The following PPP3CA variants were observed in gnomAD, a reference collection of about 807,000 sequenced individuals.
The protein encoded by PPP3CA is protein phosphatase 3 catalytic subunit alpha, also known as CAM-PRP catalytic subunit.
In PPP3CA, 14 loss-of-function variants were observed where a neutral mutation model predicts 66.5. The ratio of observed to expected loss-of-function variants is 0.21; its 90% CI spans 0.14 to 0.33. PPP3CA has a LOEUF of 0.33. Ranked by LOEUF, PPP3CA falls within the 10% of genes least tolerant of loss-of-function variation. PPP3CA has a pLI of 1.00. For missense variants in PPP3CA, 317 were observed against 639.5 expected (o/e 0.50, Z 5.44); for synonymous variants, 232 against 226.2 (o/e 1.03, Z -0.23).
chr4:101,029,429 G>C (rs1029175383), intron 12 of PPP3CA, among the ~76,000 whole-genome samples: 25 of 148,596 alleles, frequency 1.7e-4, no homozygotes, highest in Admixed American at 1.6e-3. Context: ...ACGCCTATCT[G>C]AATTAAATGT....
intron 10 of PPP3CA, among the ~76,000 whole-genome samples, chr4:101,059,853 C>T (rs1271893528): frequency 1.3e-5 from 2 of 152,040 alleles, no homozygotes; most frequent in African/African-American, 4.8e-5. Context: ...TCTTGTAGCC[C>T]TGGGTGTCCT....
Position 101,318,902 on chromosome 4 carries a change from C to T in PPP3CA, c.58+27837G>A, listed in dbSNP as rs150990573. 2.0e-3 allele frequency among the ~76,000 whole-genome samples: 297 copies of T among 152,146 alleles called. 3 individuals are homozygous for T. Among genetic ancestry groups the T allele is most frequent in the East Asian group, 0.013 (66 of 5,180 alleles). On this transcript the variant is annotated intron_variant, in intron 1 of 13. Transcript: ENST00000394854. ...ACAAAAGGATCTAGAATCTAAGAAA[C>T]GTGCAATGATAGCTTGGAGATTCCC...
chr4:101,346,855 G>T lies in PPP3CA; in HGVS notation c.-59C>A, dbSNP rs1241985437. On this transcript the variant is annotated 5_prime_UTR_variant, in exon 1 of 14. Transcript: ENST00000394854. ...GTCCGTCCGACTGCACACCCCGACC[G>T]GACCGGCGGGCCAGACACTCAACGC... 1 of 1,572,608 alleles carries T rather than the reference G, an allele frequency of 6.4e-7. No homozygotes were observed.
chr4:101,093,078 G>A (rs973573101), intron 6 of PPP3CA, among the ~76,000 whole-genome samples: 5 of 152,136 alleles, frequency 3.3e-5, no homozygotes, highest in Non-Finnish European at 5.9e-5. Context: ...CACCAACAGC[G>A]TAAAAGCGTT....
chr4:101,308,365 C>T (rs1361737588), intron 1 of PPP3CA, among the ~76,000 whole-genome samples: 1 of 152,142 alleles, frequency 6.6e-6, no homozygotes, highest in Non-Finnish European at 1.5e-5. Flanking sequence ...TACTATCATT[C>T]CATACTATAT....
Position 101,025,693 on chromosome 4 carries a change from C to A in PPP3CA, c.*172G>T. The A allele has an allele frequency of 2.0e-6, 1 of 500,870 alleles. No individual in the cohort carries two copies. The highest frequency in any genetic ancestry group is 3.4e-6 in the Non-Finnish European group (1 of 292,528). 31.0% of individuals were successfully genotyped at this position (500,870 alleles called of 1,614,324 possible). ...CCCACCAAAATATAGTTTATTATCT[C>A]TCTCCCTCTTTTTTAATGATAGTGT... On this transcript the variant is annotated 3_prime_UTR_variant, in exon 14 of 14. Coordinates refer to ENST00000394854, the MANE Select transcript of PPP3CA (RefSeq NM_000944.5).
At chr4:101,041,212 A>C (rs1727499142) in intron 10 of PPP3CA, among the ~76,000 whole-genome samples, 1 of 152,118 alleles carries the variant, frequency 6.6e-6, no homozygotes, top group Non-Finnish European at 1.5e-5. Flanking sequence ...GCATTTTAGT[A>C]CTATTTTTGA....
intron 1 of PPP3CA, among the ~76,000 whole-genome samples, chr4:101,250,684 T>A (rs1168660417): frequency 6.6e-6 from 1 of 152,156 alleles, no homozygotes; most frequent in East Asian, 1.9e-4. Context: ...ATTAACATAA[T>A]TAGCTACTTA....
chr4:101,285,516 C>T (rs1034416428), intron 1 of PPP3CA, among the ~76,000 whole-genome samples: 9 of 152,048 alleles, frequency 5.9e-5, no homozygotes, highest in African/African-American at 2.2e-4. Flanking sequence ...CGGTGTCCCA[C>T]ATCATCTGAA....
chr4:101,086,751 G>A (rs1729690905), intron 6 of PPP3CA, among the ~76,000 whole-genome samples: 1 of 152,154 alleles, frequency 6.6e-6, no homozygotes, highest in African/African-American at 2.4e-5. Flanking sequence ...TCATGTTGTA[G>A]TGTAAATTAT....
chr4:101,071,971 A>T (rs1035938518), intron 8 of PPP3CA, among the ~76,000 whole-genome samples: 3 of 152,232 alleles, frequency 2.0e-5, no homozygotes, highest in Non-Finnish European at 1.5e-5. Context: ...GATAGTTTAT[A>T]TTCTACCATC....
chr4:101,293,345 G>A lies in PPP3CA; in HGVS notation c.58+53394C>T, dbSNP rs1017798232. Among the ~76,000 whole-genome samples the A allele has an allele frequency of 2.0e-5, 3 of 152,126 alleles. No homozygotes were observed. In the South Asian group the frequency reaches 6.2e-4, roughly 32 times the overall value. On this transcript the variant is annotated intron_variant, in intron 1 of 13. Transcript: ENST00000394854. Reference sequence around the variant, plus strand: ...AATTTGGGCAGCCACTGACTGCCTAGTGGCCAGGACAGGGAATAAGACACG... The same window carrying A: ...AATTTGGGCAGCCACTGACTGCCTAATGGCCAGGACAGGGAATAAGACACG...
At chr4:101,293,705 C>T (rs1728103870) in intron 1 of PPP3CA, among the ~76,000 whole-genome samples, 1 of 152,242 alleles carries the variant, frequency 6.6e-6, no homozygotes, top group African/African-American at 2.4e-5. Context: ...GCCCTCCCTT[C>T]ACCTCCACCA....
chr4:101,151,043 T>C (rs545160698), intron 2 of PPP3CA, among the ~76,000 whole-genome samples: 7 of 152,218 alleles, frequency 4.6e-5, no homozygotes, highest in Non-Finnish European at 8.8e-5. Context: ...AAAATTAAGT[T>C]CATAAGAAGA....
At chr4:101,265,303 CT>C (rs1057313400) in intron 1 of PPP3CA, among the ~76,000 whole-genome samples, 2 of 152,012 alleles carry the variant, frequency 1.3e-5, no homozygotes, top group African/African-American at 4.8e-5. Context: ...GAGACAGGGT[CT>C]TGCTCTGTTG....
intron 1 of PPP3CA, among the ~76,000 whole-genome samples, chr4:101,199,609 C>T (rs1724907677): frequency 6.6e-6 from 1 of 152,140 alleles, no homozygotes; most frequent in Non-Finnish European, 1.5e-5. Context: ...AATAAAACAG[C>T]AAAGTAGATA....
intron 1 of PPP3CA, among the ~76,000 whole-genome samples, chr4:101,339,602 G>T (rs73835937): frequency 0.11 from 16,142 of 152,118 alleles, 2,908 homozygotes; most frequent in African/African-American, 0.37. Context: ...TACAGAACCA[G>T]TTACAAATGG....
chr4:101,192,149 G>A (rs575420662), intron 2 of PPP3CA, among the ~76,000 whole-genome samples: 1 of 152,254 alleles, frequency 6.6e-6, no homozygotes, highest in South Asian at 2.1e-4. Context: ...TCATCTTACT[G>A]TTTTCAAGAA....
chr4:101,080,681 A>G, intron 7 of PPP3CA, 55 bp from the exon 8 acceptor site: 1 of 1,107,662 alleles, frequency 9.0e-7, no homozygotes, highest in Non-Finnish European at 1.3e-6. Flanking sequence ...AGATAATATC[A>G]AATCATAGAT....
Sources: gnomAD v4.1 joint callset for allele counts (sites outside exome capture counted in the v4.1 genomes callset) on GRCh38, gnomAD v4.1.1 for gene constraint, MANE v1.5 for transcripts, NCBI Gene and HGNC (gene_info 2026-07-23, HGNC 2026-07-21) for gene names.